Variants in DLG2 observed in about 807,000 individuals in gnomAD.
DLG2 encodes the protein discs large MAGUK scaffold protein 2, also known as disks large homolog 2.
Under a neutral mutation model 132.5 loss-of-function variants are expected in DLG2, and 45 were observed. That is an observed-to-expected ratio of 0.34 (90% CI 0.27 to 0.44). DLG2 has a LOEUF of 0.44. DLG2 is among the 20% of genes least tolerant of loss of function. The pLI is 1.00. For synonymous variants in DLG2, 424 were observed against 419.6 expected (o/e 1.01, Z -0.13); for missense variants, 1,045 against 1,196.9 (o/e 0.87, Z 1.87).
chr11:85,303,036 A>C (rs2079700731), intron 3 of DLG2, among the ~76,000 whole-genome samples: 1 of 152,214 alleles, frequency 6.6e-6, no homozygotes, highest in Non-Finnish European at 1.5e-5. Context: ...ATTCTAACCC[A>C]GATTTGTTTG....
rs527343618 is a variant in DLG2, at chr11:84,984,438, A to G, written c.357+127223T>C. Reference sequence around the variant, plus strand: ...TTTCAGACAAACAAATGCTGAGAGAATTTACCACTACCAAGCCAGCACTAC... The same window carrying G: ...TTTCAGACAAACAAATGCTGAGAGAGTTTACCACTACCAAGCCAGCACTAC... On this transcript the variant is annotated intron_variant, in intron 6 of 27. Coordinates refer to ENST00000376104, the MANE Select transcript of DLG2 (RefSeq NM_001142699.3). Among the ~76,000 whole-genome samples, 18 of 152,324 alleles carry G rather than the reference A, an allele frequency of 1.2e-4. No individual in the cohort carries two copies. In the South Asian group the frequency reaches 3.5e-3, roughly 30 times the overall value.
At chr11:84,583,091 T>C (rs904368848) in intron 6 of DLG2, among the ~76,000 whole-genome samples, 4 of 152,244 alleles carry the variant, frequency 2.6e-5, no homozygotes, top group Non-Finnish European at 5.9e-5. Flanking sequence ...GTCATTTTTA[T>C]GCTTCATTTC....
At chr11:84,754,204 A>G (rs1028027432) in intron 6 of DLG2, among the ~76,000 whole-genome samples, 3 of 152,208 alleles carry the variant, frequency 2.0e-5, no homozygotes, top group African/African-American at 7.2e-5. Context: ...TTTGAATATT[A>G]AACAAGTGAG....
At chr11:83,791,096 A>G (rs962857714) in intron 17 of DLG2, 2 of 680,030 alleles carry the variant, frequency 2.9e-6, no homozygotes, top group Admixed American at 4.9e-5. Flanking sequence ...TCGGACTGGA[A>G]GAGTGGCCTT....
chr11:84,871,255 T>C (rs1326029264), intron 6 of DLG2, among the ~76,000 whole-genome samples: 1 of 152,240 alleles, frequency 6.6e-6, no homozygotes, highest in African/African-American at 2.4e-5. Context: ...GGATCTCAGA[T>C]AGCTCCCTAG....
chr11:84,854,172 C>G (rs929791312), intron 6 of DLG2, among the ~76,000 whole-genome samples: 2 of 150,934 alleles, frequency 1.3e-5, no homozygotes, highest in Non-Finnish European at 3.0e-5. Context: ...CATCCACAAA[C>G]AATGGAATAA....
In DLG2 at chr11:85,288,387, C is replaced by T. The variant is rs141934336; in HGVS notation, c.41-3022G>A. ...CATCTTTCCCAGATTTTTTTAATAA[C>T]ATACGGGCTGGTAGGTTACTAATTG... is the stretch of plus-strand genomic sequence containing the variant. On this transcript the variant is annotated intron_variant, in intron 3 of 27. Transcript: ENST00000376104. 2.0e-5 allele frequency among the ~76,000 whole-genome samples: 3 copies of T among 151,854 alleles called. No homozygotes were observed. The East Asian group carries it at 5.8e-4, about 29-fold the overall frequency.
intron 17 of DLG2, among the ~76,000 whole-genome samples, chr11:83,811,920 C>G (rs2047400387): frequency 6.6e-6 from 1 of 152,056 alleles, no homozygotes; most frequent in African/African-American, 2.4e-5. Context: ...AGACTGAGGA[C>G]TGGGAGTGTG....
chr11:84,546,044 C>A (rs1394755837), intron 6 of DLG2, among the ~76,000 whole-genome samples: 1 of 152,156 alleles, frequency 6.6e-6, no homozygotes, highest in African/African-American at 2.4e-5. Context: ...GAGTGACCCA[C>A]CATGCCTGGC....
At chr11:84,916,348 CAAAAAAAAAA>C (rs11423369) in intron 6 of DLG2, among the ~76,000 whole-genome samples, 540 of 27,918 alleles carry the variant, frequency 0.019, 1 homozygote, top group Non-Finnish European at 0.029. Flanking sequence ...GACTCCGTCT[CAAAAAAAAAA>C]AAAAAAAAAA....
chr11:85,562,686 A>G (rs576135790), intron 3 of DLG2, among the ~76,000 whole-genome samples: 1 of 151,736 alleles, frequency 6.6e-6, no homozygotes, highest in South Asian at 2.1e-4. Flanking sequence ...CATGCCTTTC[A>G]TCAAACAGTA....
chr11:85,272,192 C>A (rs2077577336), intron 4 of DLG2, among the ~76,000 whole-genome samples: 1 of 152,100 alleles, frequency 6.6e-6, no homozygotes, highest in Non-Finnish European at 1.5e-5. Flanking sequence ...GGGAGTTTCC[C>A]TGCACAAGCT....
rs551048078 is a variant in DLG2 at position 85,494,497 on chromosome 11, A to T, written c.40+104160T>A. Among the ~76,000 whole-genome samples the T allele has an allele frequency of 7.2e-5, 11 of 152,050 alleles. No homozygotes were observed. In the East Asian group the frequency reaches 1.2e-3, roughly 16 times the overall value. ...TAAAAAAGCATACACAAACAAGATT[A>T]AAAAAAAGGAAAGTAAGCAATGTTA... On this transcript the variant is annotated intron_variant, in intron 3 of 27. Coordinates refer to ENST00000376104, the MANE Select transcript of DLG2 (RefSeq NM_001142699.3).
chr11:84,911,082 A>C (rs1179543654), intron 6 of DLG2, among the ~76,000 whole-genome samples: 1 of 152,118 alleles, frequency 6.6e-6, no homozygotes, highest in Non-Finnish European at 1.5e-5. Flanking sequence ...AATAATTATT[A>C]ATATTTTTAT....
intron 9 of DLG2, among the ~76,000 whole-genome samples, chr11:84,119,148 A>G (rs2093781695): frequency 6.8e-6 from 1 of 146,464 alleles, no homozygotes; most frequent in South Asian, 2.1e-4. Context: ...ACAACCTCAG[A>G]AAAAAAAAAA....
intron 18 of DLG2, among the ~76,000 whole-genome samples, chr11:83,775,338 T>C (rs1411958493): frequency 1.3e-5 from 2 of 152,208 alleles, no homozygotes; most frequent in Non-Finnish European, 2.9e-5. Flanking sequence ...AGAAACAGGA[T>C]GGTGCACGGG....
chr11:83,716,281 C>T (rs912917776), intron 18 of DLG2, among the ~76,000 whole-genome samples: 3 of 152,282 alleles, frequency 2.0e-5, no homozygotes, highest in African/African-American at 7.2e-5. Flanking sequence ...TAAGTTACAG[C>T]TTCAAGCACA....
chr11:83,805,689 C>T (rs76236033), intron 17 of DLG2, among the ~76,000 whole-genome samples: 5,160 of 152,168 alleles, frequency 0.034, 147 homozygotes, highest in Non-Finnish European at 0.045. Flanking sequence ...GCCACAGATG[C>T]TCATATTCAT....
At chr11:83,996,127 A>G (rs1317714339) in intron 11 of DLG2, among the ~76,000 whole-genome samples, 1 of 151,918 alleles carries the variant, frequency 6.6e-6, no homozygotes, top group Non-Finnish European at 1.5e-5. Context: ...CAACTCTAAG[A>G]AAAAAAACAA....
Sources: allele counts gnomAD v4.1 joint callset (sites outside exome capture counted in the v4.1 genomes callset), GRCh38; gene constraint gnomAD v4.1.1; transcripts MANE v1.5; gene names NCBI Gene and HGNC (gene_info 2026-07-23, HGNC 2026-07-21).